The following LEMD3 variants were observed in gnomAD, a reference collection of about 807,000 sequenced individuals.
LEMD3 encodes inner nuclear membrane protein Man1.
Under a neutral mutation model 95.2 loss-of-function variants are expected in LEMD3, and 33 were observed. The observed-to-expected ratio is 0.35, with a 90% CI of 0.26 to 0.46. LEMD3 has a LOEUF of 0.46. Ranked by LOEUF, LEMD3 falls within the 20% of genes least tolerant of loss-of-function variation. The pLI is 1.00. For synonymous variants in LEMD3, 525 were observed against 474.6 expected (o/e 1.11, Z -1.38); for missense variants, 1,210 against 1,192.8 (o/e 1.01, Z -0.21).
intron 1 of LEMD3, among the ~76,000 whole-genome samples, chr12:65,190,682 C>T (rs922985567): frequency 6.6e-6 from 1 of 152,190 alleles, no homozygotes; most frequent in Admixed American, 6.5e-5. Context: ...ACCCCAAACA[C>T]CATAGGCACA....
chr12:65,223,099 G>A (rs1409560900), intron 4 of LEMD3, among the ~76,000 whole-genome samples: 2 of 152,016 alleles, frequency 1.3e-5, no homozygotes, highest in Non-Finnish European at 2.9e-5. Context: ...TCATAAGAAT[G>A]TGTATTCTAC....
chr12:65,186,870 A>G (rs1203510457), intron 1 of LEMD3, among the ~76,000 whole-genome samples: 3 of 151,954 alleles, frequency 2.0e-5, no homozygotes, highest in African/African-American at 2.4e-5. Context: ...AAATTTGGGG[A>G]AAAAAACAAC....
intron 4 of LEMD3, among the ~76,000 whole-genome samples, chr12:65,231,709 T>A (rs1013564534): frequency 6.6e-6 from 1 of 152,054 alleles, no homozygotes; most frequent in African/African-American, 2.4e-5. Flanking sequence ...ATTATTTAAT[T>A]CATATGGAAA....
rs1434582944 is a variant in LEMD3 at position 65,184,826 on chromosome 12, T to A, written c.1522+13708T>A. Among the ~76,000 whole-genome samples, 4 of 152,300 alleles carry A rather than the reference T, an allele frequency of 2.6e-5. No individual in the cohort carries two copies. In the East Asian group the frequency reaches 5.8e-4, roughly 22 times the overall value. On this transcript the variant is annotated intron_variant, in intron 1 of 12. Coordinates refer to ENST00000308330, the MANE Select transcript of LEMD3 (RefSeq NM_014319.5). ...GTTTATAGGGCAGGGAGAGGAGTTA[T>A]GGAGTTAACGTTGTTGGGTAAAAAC...
At chr12:65,209,176 G>A (rs939631529) in intron 1 of LEMD3, among the ~76,000 whole-genome samples, 6 of 152,116 alleles carry the variant, frequency 3.9e-5, no homozygotes, top group African/African-American at 1.4e-4. Flanking sequence ...CCTGTCTTGA[G>A]AAGCCCACAG....
intron 2 of LEMD3, 111 bp from the exon 3 acceptor site, chr12:65,215,866 T>A: frequency 1.7e-6 from 1 of 574,440 alleles, no homozygotes; most frequent in Non-Finnish European, 3.1e-6. Flanking sequence ...TCTTTCAGAT[T>A]ATGTGGCTTC....
At position 65,247,479 on chromosome 12, in the gene LEMD3, A is replaced by G. The variant is rs1019240741; in HGVS notation, c.*1154A>G. The G allele has an allele frequency of 2.0e-5, 3 of 152,358 alleles. No individual in the cohort carries two copies. The highest frequency in any genetic ancestry group is 4.4e-5 in the Non-Finnish European group (3 of 68,014). 9.4% of individuals were successfully genotyped at this position (152,358 alleles called of 1,614,324 possible). On this transcript the variant is annotated 3_prime_UTR_variant, in exon 13 of 13. Transcript: ENST00000308330. ...TGAAAGTTTGCAATATAGTAAATGC[A>G]CGATTGACTGTTGCTTTGTGCCTCA...
At chr12:65,176,931 G>A (rs1039504577) in intron 1 of LEMD3, among the ~76,000 whole-genome samples, 2 of 152,056 alleles carry the variant, frequency 1.3e-5, no homozygotes, top group Non-Finnish European at 1.5e-5. Flanking sequence ...TATCTAACTC[G>A]GTAATTGGTT....
At chr12:65,245,442 G>A (rs1253533428) in intron 10 of LEMD3, 13 of 503,304 alleles carry the variant, frequency 2.6e-5, no homozygotes, top group Non-Finnish European at 3.9e-5. Flanking sequence ...CCTGGCCAGC[G>A]CTCTGCACTC....
intron 1 of LEMD3, among the ~76,000 whole-genome samples, chr12:65,203,755 T>A (rs1869676488): frequency 6.6e-6 from 1 of 152,216 alleles, no homozygotes. Context: ...ATTAGTGGAT[T>A]CTTCCTTTTT....
At chr12:65,204,716 G>T (rs1031728233) in intron 1 of LEMD3, among the ~76,000 whole-genome samples, 1 of 152,074 alleles carries the variant, frequency 6.6e-6, no homozygotes, top group Non-Finnish European at 1.5e-5. Flanking sequence ...TGGGTCAAAT[G>T]GTTGAACTAA....
chr12:65,221,734 C>G (rs1043780566), intron 4 of LEMD3, among the ~76,000 whole-genome samples: 1 of 137,724 alleles, frequency 7.3e-6, no homozygotes, highest in Middle Eastern at 3.5e-3. Context: ...AGGAAAATCT[C>G]TCTTTTTTTT....
chr12:65,247,065 G>T lies in LEMD3; in HGVS notation c.*740G>T, dbSNP rs1283964514. 1.3e-5 allele frequency: 2 copies of T among 152,442 alleles called. No individual in the cohort carries two copies. Among genetic ancestry groups the T allele is most frequent in the African/African-American group, 4.8e-5 (2 of 41,416 alleles). The allele number at this position is 152,442 out of a possible 1,614,324, so 9.4% of individuals were successfully genotyped here. A position where few individuals can be genotyped will look rare whatever the true frequency, so the allele number is the denominator to read the frequency against. On this transcript the variant is annotated 3_prime_UTR_variant, in exon 13 of 13. Coordinates refer to ENST00000308330, the MANE Select transcript of LEMD3 (RefSeq NM_014319.5). ...AGATGTATATATATACACACACAGAGATATATACATATGGCTGTACTTTTG... is the reference window on the plus strand; with the variant it reads ...AGATGTATATATATACACACACAGATATATATACATATGGCTGTACTTTTG...
chr12:65,232,416 C>G (rs994654492), intron 4 of LEMD3, among the ~76,000 whole-genome samples: 1 of 152,112 alleles, frequency 6.6e-6, no homozygotes, highest in African/African-American at 2.4e-5. Context: ...TTCACAACTT[C>G]TAGTACATTT....
intron 1 of LEMD3, among the ~76,000 whole-genome samples, chr12:65,195,447 C>T (rs1017195310): frequency 3.3e-5 from 5 of 151,128 alleles, no homozygotes; most frequent in African/African-American, 4.9e-5. Flanking sequence ...CAGATGGCTA[C>T]GCTTCTTATT....
intron 1 of LEMD3, among the ~76,000 whole-genome samples, chr12:65,203,856 G>T (rs1297231109): frequency 1.3e-5 from 2 of 152,042 alleles, no homozygotes; most frequent in Non-Finnish European, 2.9e-5. Flanking sequence ...TCTTCTTAGA[G>T]AATTGACCCC....
intron 4 of LEMD3, among the ~76,000 whole-genome samples, chr12:65,223,576 A>G (rs1263915782): frequency 1.3e-5 from 2 of 152,074 alleles, no homozygotes; most frequent in East Asian, 1.9e-4. Context: ...TATTATCTGC[A>G]TGGAATATCT....
chr12:65,240,207 G>A lies in LEMD3; in HGVS notation c.2095G>A (p.Val699Ile). Residue 699 changes from valine to isoleucine, a missense_variant, in exon 8 of 13, where the codon GTA (valine) becomes ATA (isoleucine). This residue lies in a region of LEMD3 where 461 missense variants were observed against 569.8 expected (regional missense o/e 0.81). Transcript: ENST00000308330. Reference protein sequence around the residue: ...DLQPYMPIPHVRDSLIQPHDR... With the variant: ...DLQPYMPIPHIRDSLIQPHDR... Reference sequence around the variant, plus strand: ...ACAACCTTACATGCCTATTCCACATGTACGCGATTCCTTAATACAGCCTCA... The same window carrying A: ...ACAACCTTACATGCCTATTCCACATATACGCGATTCCTTAATACAGCCTCA... 6.2e-7 allele frequency: 1 copy of A among 1,613,534 alleles called. No homozygotes were observed.
intron 1 of LEMD3, among the ~76,000 whole-genome samples, chr12:65,205,412 T>A (rs1869733520): frequency 6.6e-6 from 1 of 152,126 alleles, no homozygotes; most frequent in Non-Finnish European, 1.5e-5. Flanking sequence ...ATATAAAGAA[T>A]AAGAACCAGC....
Sources: allele counts gnomAD v4.1 joint callset (sites outside exome capture counted in the v4.1 genomes callset), GRCh38; gene constraint gnomAD v4.1.1; regional missense constraint gnomAD v4.1.1; transcripts MANE v1.5; gene names NCBI Gene and HGNC (gene_info 2026-07-23, HGNC 2026-07-21).